Variants in MMD observed in about 807,000 individuals in gnomAD.
MMD encodes the protein monocyte to macrophage differentiation factor.
MMD carries 22 observed loss-of-function variants against 33.6 expected under a neutral mutation model. The ratio of observed to expected loss-of-function variants is 0.66; its 90% CI spans 0.47 to 0.94. The LOEUF is 0.94. Among genes scored for constraint, MMD ranks in the 40% least tolerant of loss-of-function variants. The pLI, the probability that MMD is intolerant of heterozygous loss-of-function variation, is 0.00. For missense variants in MMD, 242 were observed against 309.8 expected, an observed-to-expected ratio of 0.78 and a Z score of 1.64; for synonymous variants, 97 against 103.2, an observed-to-expected ratio of 0.94 and a Z score of 0.36.
chr17:55,401,798 G>C (rs1907339847), intron 5 of MMD, among the ~76,000 whole-genome samples: 1 of 152,150 alleles, frequency 6.6e-6, no homozygotes, highest in Non-Finnish European at 1.5e-5. Flanking sequence ...TGCCGGCCGG[G>C]CACGGTGGCT....
intron 2 of MMD, 139 bp downstream of exon 2, chr17:55,414,012 C>T: frequency 1.3e-6 from 1 of 776,720 alleles, no homozygotes; most frequent in Non-Finnish European, 2.2e-6. Context: ...GGTGACACGA[C>T]CCAGAACTGA....
In MMD at chr17:55,407,737, G is replaced by A; in HGVS notation, c.344+9C>T. The A allele has an allele frequency of 6.3e-7, 1 of 1,590,902 alleles. No homozygotes were observed. Among genetic ancestry groups the A allele is most frequent in the Non-Finnish European group, 8.5e-7 (1 of 1,169,974 alleles). On this transcript the variant is annotated intron_variant, in intron 4 of 6. Transcript: ENST00000262065. ...CACTACCTTCGAAAATAGGAAGACT[G>A]TATCTTACCATGGAGCATAAGAAGC...
rs888937272 is a variant in MMD, at chr17:55,393,909, T to TCC, written c.*424_*425insGG. 6.5e-6 allele frequency: 1 copy of TCC among 153,234 alleles called. No individual in the cohort carries two copies. Among genetic ancestry groups the TCC allele is most frequent in the Non-Finnish European group, 1.5e-5 (1 of 68,470 alleles). The allele number at this position is 153,234 out of a possible 1,614,324, so 9.5% of individuals were successfully genotyped here. ...AGATGAAACATGGTAAAAAGTAGTG[T>TCC]AAGTTCTGTCCATGATTCTTTACCT... On this transcript the variant is annotated 3_prime_UTR_variant, in exon 7 of 7. Coordinates refer to ENST00000262065, the MANE Select transcript of MMD (RefSeq NM_012329.3).
chr17:55,406,728 A>T (rs1209821089), intron 4 of MMD, among the ~76,000 whole-genome samples: 1 of 151,994 alleles, frequency 6.6e-6, no homozygotes, highest in Non-Finnish European at 1.5e-5. Flanking sequence ...CCACCAAAAA[A>T]TACAAAAATT....
In MMD at chr17:55,407,199, C is replaced by T. The variant is rs137883537; in HGVS notation, c.344+547G>A. Among the ~76,000 whole-genome samples the T allele has an allele frequency of 8.0e-4, 121 of 151,736 alleles. 1 individual carries two copies. The highest frequency in any genetic ancestry group is 1.8e-4 in the Non-Finnish European group (12 of 67,952). On this transcript the variant is annotated intron_variant, in intron 4 of 6. Transcript: ENST00000262065. ...CAAAAATTAGCCAGGCATGGTAGCA[C>T]GTGCCTGTAATCCCAGTTACTCAGG...
At chr17:55,400,021 A>AC (rs1343689594) in intron 6 of MMD, among the ~76,000 whole-genome samples, 1 of 151,988 alleles carries the variant, frequency 6.6e-6, no homozygotes, top group Non-Finnish European at 1.5e-5. Context: ...TTCAAGGCTG[A>AC]TTTTCTCATT....
In MMD at chr17:55,421,651, G is replaced by A. The variant is rs777391695; in HGVS notation, c.26+19C>T. 4 of 1,599,666 alleles carry A rather than the reference G, an allele frequency of 2.5e-6. No homozygotes were observed. Among genetic ancestry groups the A allele is most frequent in the Admixed American group, 3.4e-5 (2 of 58,370 alleles). On this transcript the variant is annotated intron_variant, in intron 1 of 6. Transcript: ENST00000262065. The stretch of plus-strand genomic sequence containing the variant: ...CGCTTCTGACACGGGCAGCGGGACC[G>A]GGACGCCATCCCTCTCACCGCTGGA...
At chr17:55,414,448 T>C (rs561686308) in intron 1 of MMD, among the ~76,000 whole-genome samples, 56 of 152,082 alleles carry the variant, frequency 3.7e-4, no homozygotes, top group Admixed American at 3.3e-3. Context: ...TTAAGCCTTC[T>C]TTCAGTTTAT....
rs564401575 is a variant in MMD at position 55,398,628 on chromosome 17, G to A, written c.516+2841C>T. Among the ~76,000 whole-genome samples the A allele has an allele frequency of 8.5e-5, 13 of 152,156 alleles. No homozygotes were observed. In the South Asian group the frequency reaches 2.5e-3, roughly 29 times the overall value. ...AAGTTGTTACAGTAAAGATTCTGTT[G>A]TATTCCTTTAAAAATTGTTGAGTTT... On this transcript the variant is annotated intron_variant, in intron 6 of 6. Coordinates refer to ENST00000262065, the MANE Select transcript of MMD (RefSeq NM_012329.3).
chr17:55,409,196 G>A (rs956742019), intron 3 of MMD, among the ~76,000 whole-genome samples: 8 of 152,174 alleles, frequency 5.3e-5, no homozygotes, highest in Admixed American at 3.3e-4. Context: ...CAAACATTAC[G>A]TCAATGCTTT....
At chr17:55,415,086 G>A (rs1010381125) in intron 1 of MMD, among the ~76,000 whole-genome samples, 8 of 152,150 alleles carry the variant, frequency 5.3e-5, no homozygotes, top group Non-Finnish European at 1.0e-4. Context: ...AACCTAAAGA[G>A]AGGATAGCAT....
intron 1 of MMD, among the ~76,000 whole-genome samples, chr17:55,419,345 T>A (rs1329517197): frequency 1.3e-5 from 2 of 152,214 alleles, no homozygotes; most frequent in South Asian, 2.1e-4. Flanking sequence ...GATACTCAAG[T>A]GTGAAACATA....
intron 2 of MMD, among the ~76,000 whole-genome samples, chr17:55,413,229 G>A (rs192270728): frequency 6.6e-6 from 1 of 152,232 alleles, no homozygotes; most frequent in African/African-American, 2.4e-5. Flanking sequence ...AGTTAAACTA[G>A]CCTGTTCCAA....
In MMD at chr17:55,414,201, G is replaced by T. The variant is rs746547063; in HGVS notation, c.58C>A (p.Arg20Ser). 6.2e-7 allele frequency: 1 copy of T among 1,613,876 alleles called. No individual in the cohort carries two copies. The highest frequency in any genetic ancestry group is 1.1e-5 in the South Asian group (1 of 91,072). The change falls in exon 2 of 7, where the codon CGC (arginine) becomes AGC (serine). Residue 20 changes from arginine (R) to serine (S), a missense_variant. Physicochemically the swap from Arg to Ser is moderately radical, Grantham distance 110. Transcript: ENST00000262065. Reference protein sequence around the residue: ...FMNHRAPANGRYKPTCYEHAA... With the variant: ...FMNHRAPANGSYKPTCYEHAA... Reference sequence around the variant, plus strand: ...TGTTCATAGCAAGTTGGCTTGTAGCGGCCATTGGCTGGAGCTCGATGGTTC... The same window carrying T: ...TGTTCATAGCAAGTTGGCTTGTAGCTGCCATTGGCTGGAGCTCGATGGTTC...
intron 5 of MMD, 66 bp downstream of exon 5, chr17:55,403,701 T>C (rs1907434314): frequency 2.7e-6 from 3 of 1,105,860 alleles, no homozygotes; most frequent in Admixed American, 2.0e-5. Context: ...GTAAATTGTA[T>C]TGCAGTGCAG....
intron 5 of MMD, among the ~76,000 whole-genome samples, chr17:55,402,150 G>A (rs1208390992): frequency 1.3e-5 from 2 of 150,128 alleles, no homozygotes; most frequent in Admixed American, 1.3e-4. Context: ...AGTAGTTATC[G>A]TTTAACCCAC....
In MMD at chr17:55,394,243, T is replaced by C. The variant is rs1907018157; in HGVS notation, c.*91A>G. 3 of 938,778 alleles carry C rather than the reference T, an allele frequency of 3.2e-6. No homozygotes were observed. The highest frequency in any genetic ancestry group is 4.4e-6 in the Non-Finnish European group (3 of 681,096). 58.2% of individuals were successfully genotyped at this position (938,778 alleles called of 1,614,324 possible). ...AGATATAAAGTCAGTGCAGTTATTT[T>C]TTTTCTTTCCCTGTGCAATGTTTAG... is the stretch of plus-strand genomic sequence containing the variant. On this transcript the variant is annotated 3_prime_UTR_variant, in exon 7 of 7. Transcript: ENST00000262065.
chr17:55,403,662 A>G (rs1206218232), intron 5 of MMD, 105 bp downstream of exon 5: 5 of 719,292 alleles, frequency 7.0e-6, no homozygotes, highest in African/African-American at 1.8e-5. Flanking sequence ...CTATATATGT[A>G]TTTCTACTGT....
At chr17:55,420,887 G>GC (rs978720706) in intron 1 of MMD, among the ~76,000 whole-genome samples, 2 of 152,076 alleles carry the variant, frequency 1.3e-5, no homozygotes, top group Non-Finnish European at 2.9e-5. Context: ...AGGCCACGGC[G>GC]CCCCCCAGCC....
Sources: allele counts gnomAD v4.1 joint callset (sites outside exome capture counted in the v4.1 genomes callset), GRCh38; gene constraint gnomAD v4.1.1; transcripts MANE v1.5; gene names NCBI Gene and HGNC (gene_info 2026-07-23, HGNC 2026-07-21).